STARD9: variants seen among roughly 807,000 people sequenced by gnomAD.
STARD9 encodes the protein stAR-related lipid transfer protein 9.
Under a neutral mutation model 399.8 loss-of-function variants are expected in STARD9, and 346 were observed. The observed-to-expected ratio is 0.87, with a 90% CI of 0.79 to 0.95. The LOEUF (loss-of-function observed/expected upper bound fraction) is 0.95. Ranked by LOEUF, STARD9 falls within the 40% of genes least tolerant of loss-of-function variation. STARD9 has a pLI of 0.00. For missense variants in STARD9, 5,832 were observed against 5,667.5 expected, an observed-to-expected ratio of 1.03 and a Z score of -0.93; for synonymous variants, 2,203 against 2,143.5, an observed-to-expected ratio of 1.03 and a Z score of -0.77.
At chr15:42,576,317 C>G (rs73406557) in intron 1 of STARD9, among the ~76,000 whole-genome samples, 7,171 of 152,204 alleles carry the variant, frequency 0.047, 571 homozygotes, top group African/African-American at 0.16. Context: ...TGTTCCAACC[C>G]CTTCTTTCTC....
intron 17 of STARD9, 81 bp downstream of exon 17, chr15:42,674,572 C>A: frequency 7.4e-7 from 1 of 1,348,530 alleles, no homozygotes; most frequent in Non-Finnish European, 1.0e-6. Context: ...TTTGATGATG[C>A]TCTGAGAAGA....
Position 42,690,852 on chromosome 15 carries a change from A to G in STARD9, c.9274A>G (p.Lys3092Glu). ...GGTTCCTGAGAAAAAGGTTGCTGAG[A>G]AGCAAGCAAGCACAGAACTTGAGGC... ...IGVPEKKVAEKQASTELEAAS... is the reference protein window; with the variant it reads ...IGVPEKKVAEEQASTELEAAS... The change falls in exon 23 of 33, where the codon AAG becomes GAG. Residue 3092 changes from lysine (K) to glutamate (E), a missense_variant. Physicochemically the swap from Lys to Glu is moderately conservative, Grantham distance 56 (BLOSUM62 1). Coordinates refer to ENST00000290607, the MANE Select transcript of STARD9 (RefSeq NM_020759.3). The G allele has an allele frequency of 6.5e-7, 1 of 1,537,130 alleles. No individual in the cohort carries two copies. Among genetic ancestry groups the G allele is most frequent in the Non-Finnish European group, 8.7e-7 (1 of 1,146,866 alleles).
rs758399551 is a variant in STARD9 at position 42,692,454 on chromosome 15, G to T, written c.10876G>T (p.Ala3626Ser). The change falls in exon 23 of 33, where the codon GCA becomes TCA. Residue 3626 changes from alanine to serine, a missense_variant. By Grantham distance (99) the Ala-to-Ser change is moderately conservative (BLOSUM62 1). Coordinates refer to ENST00000290607, the MANE Select transcript of STARD9 (RefSeq NM_020759.3). ...DEIMLLYPSE[A>S]GCPVGQTRTN... is the part of the protein sequence containing the mutation. The stretch of plus-strand genomic sequence containing the variant: ...GATTATGCTGCTGTATCCATCAGAG[G>T]CAGGCTGCCCTGTGGGACAGACCAG... The T allele has an allele frequency of 1.6e-5, 25 of 1,536,994 alleles. No individual in the cohort carries two copies. The highest frequency in any genetic ancestry group is 2.1e-5 in the Non-Finnish European group (24 of 1,146,906).
Position 42,665,260 on chromosome 15 carries a change from A to C in STARD9, c.1184A>C (p.Asn395Thr). The change falls in exon 14 of 33, where the codon AAC (asparagine) becomes ACC (threonine). Residue 395 changes from asparagine to threonine, a missense_variant. By Grantham distance (65) the Asn-to-Thr change is moderately conservative. This residue lies in a region of STARD9 where 5,828 missense variants were observed against 5,651.1 expected (regional missense o/e 1.03). Transcript: ENST00000290607. ...INKPRVNEDA[N>T]LKLIRELREE... ...GAGTTCTCTGTGTTTCAGGATGCAA[A>C]CTTAAAACTGATTAGAGAACTCAGA... 6.5e-7 allele frequency: 1 copy of C among 1,536,944 alleles called. No individual in the cohort carries two copies. Among genetic ancestry groups the C allele is most frequent in the Non-Finnish European group, 8.7e-7 (1 of 1,146,674 alleles).
At chr15:42,612,803 G>A (rs1019609374) in intron 3 of STARD9, among the ~76,000 whole-genome samples, 9 of 152,074 alleles carry the variant, frequency 5.9e-5, no homozygotes, top group Admixed American at 3.9e-4. Flanking sequence ...GGCCAACGTG[G>A]TGAAACCCCG....
chr15:42,630,659 A>G (rs2059315186), intron 3 of STARD9, among the ~76,000 whole-genome samples: 1 of 152,048 alleles, frequency 6.6e-6, no homozygotes, highest in African/African-American at 2.4e-5. Flanking sequence ...ATTTTGGTAG[A>G]TTGCATGTGT....
Position 42,692,600 on chromosome 15 carries a change from G to C in STARD9, c.11022G>C (p.Trp3674Cys), listed in dbSNP as rs555037620. 1.5e-5 allele frequency: 23 copies of C among 1,537,072 alleles called. No homozygotes were observed. The highest frequency in any genetic ancestry group is 2.0e-5 in the Non-Finnish European group (23 of 1,146,918). Residue 3674 changes from tryptophan (W) to cysteine (C), a missense_variant, in exon 23 of 33, where the codon TGG (tryptophan) becomes TGC (cysteine). Physicochemically the swap from Trp to Cys is radical, Grantham distance 215. This residue lies in a region of STARD9 where 5,828 missense variants were observed against 5,651.1 expected (regional missense o/e 1.03). Coordinates refer to ENST00000290607, the MANE Select transcript of STARD9 (RefSeq NM_020759.3). ...TATCAGCCTTTGATCTGGCCTCATG[G>C]ACCAGCATGCACAATCTGTCTCTCC... ...SAVSAFDLAS[W>C]TSMHNLSLHL...
intron 7 of STARD9, among the ~76,000 whole-genome samples, chr15:42,642,197 A>C (rs556597421): frequency 6.6e-6 from 1 of 152,230 alleles, no homozygotes. Context: ...CAAGATGCCT[A>C]TACTATTCCA....
intron 26 of STARD9, among the ~76,000 whole-genome samples, chr15:42,706,574 C>T (rs1187685333): frequency 2.0e-5 from 3 of 151,752 alleles, no homozygotes; most frequent in Non-Finnish European, 2.9e-5. Flanking sequence ...CTCAGCCTCC[C>T]GAAGAGCTGG....
In STARD9 at chr15:42,601,650, T is replaced by C. The variant is rs566919918; in HGVS notation, c.234+16013T>C. Among the ~76,000 whole-genome samples, 30 of 152,100 alleles carry C rather than the reference T, an allele frequency of 2.0e-4. No homozygotes were observed. In the South Asian group the frequency reaches 5.8e-3, roughly 29 times the overall value. On this transcript the variant is annotated intron_variant, in intron 3 of 32. Transcript: ENST00000290607. The stretch of plus-strand genomic sequence containing the variant: ...CCCACTTCCCGGATATATCTGTTTT[T>C]CTACAGGAGGGTTTTCTGAGCAAAA...
intron 3 of STARD9, among the ~76,000 whole-genome samples, chr15:42,601,404 C>T (rs559104727): frequency 7.4e-4 from 113 of 152,106 alleles, no homozygotes; most frequent in African/African-American, 2.6e-3. Flanking sequence ...GGGTGGCGGC[C>T]GGGCAGAGGG....
At chr15:42,637,987 A>G in intron 5 of STARD9, 39 bp from the exon 6 acceptor site, 1 of 1,537,246 alleles carries the variant, frequency 6.5e-7, no homozygotes, top group Non-Finnish European at 8.7e-7. Context: ...GTCTCTCTAC[A>G]ATTCCTACAA....
chr15:42,613,417 T>C (rs1465121710), intron 3 of STARD9, among the ~76,000 whole-genome samples: 1 of 152,110 alleles, frequency 6.6e-6, no homozygotes, highest in Non-Finnish European at 1.5e-5. Context: ...CCCCAACCCC[T>C]TCTAGGTGAA....
chr15:42,658,310 TG>T (rs2059917962), intron 9 of STARD9, among the ~76,000 whole-genome samples: 1 of 150,552 alleles, frequency 6.6e-6, no homozygotes, highest in Admixed American at 6.7e-5. Flanking sequence ...TGTGTGTGTG[TG>T]TGTGTGTACA....
chr15:42,645,339 C>T (rs2059625212), intron 7 of STARD9, among the ~76,000 whole-genome samples: 1 of 152,188 alleles, frequency 6.6e-6, no homozygotes, highest in Non-Finnish European at 1.5e-5. Flanking sequence ...GTTATGTTAG[C>T]AAGCATGAAA....
Position 42,684,505 on chromosome 15 carries a change from G to T in STARD9, c.2927G>T (p.Gly976Val), listed in dbSNP as rs1032562992. ...TTCACCTCTACTACCCAGACCAGAG[G>T]GGCGAAGGGACTAGCAGACCCTAGC... Reference protein sequence around the residue: ...KIFTSTTQTRGAKGLADPSHT... With the variant: ...KIFTSTTQTRVAKGLADPSHT... Residue 976 changes from glycine to valine, a missense_variant, in exon 23 of 33, where the codon GGG becomes GTG. Transcript: ENST00000290607. 72 of 1,537,060 alleles carry T rather than the reference G, an allele frequency of 4.7e-5. No homozygotes were observed. The highest frequency in any genetic ancestry group is 1.7e-4 in the Middle Eastern group (1 of 6,012).
At chr15:42,665,927 C>T in intron 15 of STARD9, 79 bp downstream of exon 15, 2 of 1,237,116 alleles carry the variant, frequency 1.6e-6, no homozygotes, top group Non-Finnish European at 2.3e-6. Flanking sequence ...GGTAGGGTTG[C>T]TCCCTTGGCA....
In STARD9 at chr15:42,661,607, GCTTT is replaced by G. The variant is rs35259107; in HGVS notation, c.770+403_770+406del. 7.7e-3 allele frequency among the ~76,000 whole-genome samples: 1,173 copies of G among 151,770 alleles called. 12 individuals are homozygous for G. The highest frequency in any genetic ancestry group is 0.012 in the Non-Finnish European group (794 of 67,940). On this transcript the variant is annotated intron_variant, in intron 10 of 32. Transcript: ENST00000290607. The stretch of plus-strand genomic sequence containing the variant: ...CTACAGGCACGTGACACCACATCTG[GCTTT>G]CTTTCTTTCTTTCTTTCTTTTTTTT...
At position 42,686,182 on chromosome 15, in the gene STARD9, G is replaced by T. The variant is rs868671543; in HGVS notation, c.4604G>T (p.Gly1535Val). 4 of 1,537,370 alleles carry T rather than the reference G, an allele frequency of 2.6e-6. No individual in the cohort carries two copies. In the African/African-American group the frequency reaches 5.5e-5, roughly 21 times the overall value. The stretch of plus-strand genomic sequence containing the variant: ...GGAGGAGATACTCTATTGCCAGTTG[G>T]CCCTAGGGTATCTAGCAATCTGAAT... ...SKGGDTLLPV[G>V]PRVSSNLNLN... The change falls in exon 23 of 33, where the codon GGC (glycine) becomes GTC (valine). Residue 1535 changes from glycine (G) to valine (V), a missense_variant. Coordinates refer to ENST00000290607, the MANE Select transcript of STARD9 (RefSeq NM_020759.3).
Sources: gnomAD v4.1 joint callset for allele counts (sites outside exome capture counted in the v4.1 genomes callset) on GRCh38, gnomAD v4.1.1 for gene constraint, gnomAD v4.1.1 regional missense constraint, MANE v1.5 for transcripts, NCBI Gene and HGNC (gene_info 2026-07-23, HGNC 2026-07-21) for gene names.